The following ANK1 variants were observed in gnomAD, a reference collection of about 807,000 sequenced individuals.
ANK1 encodes ankyrin-1.
A neutral mutation model predicts 210.4 loss-of-function variants in ANK1; 51 were observed. That is an observed-to-expected ratio of 0.24 (90% CI 0.19 to 0.31). The LOEUF (loss-of-function observed/expected upper bound fraction) is 0.31. Ranked by LOEUF, ANK1 falls within the 10% of genes least tolerant of loss-of-function variation. ANK1 has a pLI of 1.00. For missense variants in ANK1, 2,051 were observed against 2,504.4 expected (o/e 0.82, Z 3.86); for synonymous variants, 967 against 1,025.9 (o/e 0.94, Z 1.10).
At chr8:41,804,113 A>G (rs77480063) in intron 1 of ANK1, among the ~76,000 whole-genome samples, 1,950 of 152,336 alleles carry the variant, frequency 0.013, 47 homozygotes, top group African/African-American at 0.045. Flanking sequence ...AGTGTCTCTC[A>G]GGAAGTTGCC....
chr8:41,685,975 T>A (rs1216021370), intron 36 of ANK1, among the ~76,000 whole-genome samples, 177 bp downstream of exon 36: 1 of 152,222 alleles, frequency 6.6e-6, no homozygotes, highest in East Asian at 1.9e-4. Flanking sequence ...TCTCTGGTCA[T>A]GCCTTCTGGC....
chr8:41,681,885 G>A (rs984347498), intron 37 of ANK1, among the ~76,000 whole-genome samples: 9 of 152,208 alleles, frequency 5.9e-5, no homozygotes, highest in African/African-American at 1.9e-4. Flanking sequence ...ATCGGTGCAT[G>A]AGTCTGCTGG....
intron 16 of ANK1, among the ~76,000 whole-genome samples, chr8:41,712,860 G>A (rs963005238): frequency 6.6e-6 from 1 of 152,232 alleles, no homozygotes; most frequent in African/African-American, 2.4e-5. Flanking sequence ...ATAAGTAGGG[G>A]AGTGAGGAGG....
At chr8:41,729,546 G>A (rs893914436) in intron 3 of ANK1, among the ~76,000 whole-genome samples, 3 of 152,122 alleles carry the variant, frequency 2.0e-5, no homozygotes, top group African/African-American at 4.8e-5. Context: ...GTGTGCCACC[G>A]TGCCCAGCCA....
chr8:41,686,127 G>C (rs376623554), intron 36 of ANK1, 25 bp downstream of exon 36: 125 of 1,614,186 alleles, frequency 7.7e-5, no homozygotes, highest in Middle Eastern at 1.6e-4. Flanking sequence ...CCTAGGACAG[G>C]CTTCCTCAGT....
chr8:41,858,203 G>A (rs1587459834), intron 1 of ANK1, among the ~76,000 whole-genome samples: 1 of 152,282 alleles, frequency 6.6e-6, no homozygotes, highest in East Asian at 1.9e-4. Flanking sequence ...CTGCACTCCA[G>A]CCTGGGTGAC....
At position 41,834,261 on chromosome 8, in the gene ANK1, C is replaced by G. The variant is rs573638753; in HGVS notation, c.126+62094G>C. Among the ~76,000 whole-genome samples the G allele has an allele frequency of 2.6e-5, 4 of 152,344 alleles. No homozygotes were observed. In the South Asian group the frequency reaches 6.2e-4, roughly 24 times the overall value. On this transcript the variant is annotated intron_variant, in intron 1 of 42. Transcript: ENST00000265709. ...TAGGCCATGGCCACGGGGCAGAAAG[C>G]AGGGGTAGGATTGAGAAAACCTGGA...
chr8:41,888,760 C>T (rs1818891505), intron 1 of ANK1, among the ~76,000 whole-genome samples: 1 of 152,226 alleles, frequency 6.6e-6, no homozygotes, highest in Non-Finnish European at 1.5e-5. Flanking sequence ...AGAAACAAAG[C>T]AGAAACCCCA....
At chr8:41,787,234 G>C (rs1281397517) in intron 1 of ANK1, among the ~76,000 whole-genome samples, 1 of 152,234 alleles carries the variant, frequency 6.6e-6, no homozygotes, top group Non-Finnish European at 1.5e-5. Context: ...GAGACGAGCA[G>C]TCATGCTTTG....
At chr8:41,656,702 G>A (rs1805827780) in intron 42 of ANK1, among the ~76,000 whole-genome samples, 1 of 152,232 alleles carries the variant, frequency 6.6e-6, no homozygotes, top group Non-Finnish European at 1.5e-5. Flanking sequence ...AAGTGACACA[G>A]GGAGGCAGGA....
At position 41,690,328 on chromosome 8, in the gene ANK1, C is replaced by G. The variant is rs1818926310; in HGVS notation, c.4003G>C (p.Glu1335Gln). 2 of 1,614,142 alleles carry G rather than the reference C, an allele frequency of 1.2e-6. No homozygotes were observed. The highest frequency in any genetic ancestry group is 1.7e-5 in the Admixed American group (1 of 60,004). Reference sequence around the variant, plus strand: ...AGAAACGACAGGGACCCTCCCGGCTCTCGACTGCTGTCCCTCACCTAAACT... The same window carrying G: ...AGAAACGACAGGGACCCTCCCGGCTGTCGACTGCTGTCCCTCACCTAAACT... ...MPVKVRDSSREPGGSLSFLRK... is the reference protein window; with the variant it reads ...MPVKVRDSSRQPGGSLSFLRK... The change falls in exon 33 of 43, where the codon GAG becomes CAG. Residue 1335 changes from glutamate (E) to glutamine (Q), a missense_variant. Coordinates refer to ENST00000289734, the MANE Select transcript of ANK1 (RefSeq NM_000037.4).
intron 1 of ANK1, among the ~76,000 whole-genome samples, chr8:41,879,576 C>T (rs1160400507): frequency 6.6e-6 from 1 of 152,202 alleles, no homozygotes; most frequent in African/African-American, 2.4e-5. Context: ...CTGCCACAGG[C>T]CTTTTACCCA....
chr8:41,812,353 G>T (rs1587141849), intron 1 of ANK1, among the ~76,000 whole-genome samples: 1 of 152,150 alleles, frequency 6.6e-6, no homozygotes, highest in Non-Finnish European at 1.5e-5. Context: ...TCAAAGAAGG[G>T]TCAGATGTTT....
chr8:41,833,594 G>C (rs1346505016), intron 1 of ANK1, among the ~76,000 whole-genome samples: 3 of 152,188 alleles, frequency 2.0e-5, no homozygotes, highest in Admixed American at 2.0e-4. Context: ...AGATGGGAAT[G>C]GTCACCGTAC....
Position 41,661,574 on chromosome 8 carries a change from G to A in ANK1, c.5545-10C>T, listed in dbSNP as rs1808213291. On this transcript the variant is annotated splice_polypyrimidine_tract_variant and intron_variant, in intron 41 of 42. Coordinates refer to ENST00000289734, the MANE Select transcript of ANK1 (RefSeq NM_000037.4). ...TCCCTCTCAGCTCCACCTGCAGACA[G>A]CAGCAGAGACAGAAAGCAGGACAGA... 2.5e-6 allele frequency: 4 copies of A among 1,613,612 alleles called. No individual in the cohort carries two copies. The highest frequency in any genetic ancestry group is 3.4e-6 in the Non-Finnish European group (4 of 1,180,052).
chr8:41,707,454 C>T (rs1245626774), intron 17 of ANK1, among the ~76,000 whole-genome samples: 1 of 152,202 alleles, frequency 6.6e-6, no homozygotes, highest in East Asian at 1.9e-4. Context: ...TGTGGGCAGT[C>T]ATGATGCCCC....
chr8:41,832,142 AAG>A (rs1295584330), intron 1 of ANK1, among the ~76,000 whole-genome samples: 1 of 152,188 alleles, frequency 6.6e-6, no homozygotes, highest in African/African-American at 2.4e-5. Flanking sequence ...ACTGAATGAA[AAG>A]AGAAGTGAAT....
chr8:41,801,314 CATT>C (rs1443416775), upstream of ANK1, among the ~76,000 whole-genome samples: 1 of 152,198 alleles, frequency 6.6e-6, no homozygotes, highest in Admixed American at 6.5e-5. Flanking sequence ...CCTATTAAAA[CATT>C]ATTGCTATGA....
intron 1 of ANK1, among the ~76,000 whole-genome samples, chr8:41,777,218 T>C (rs1175258941): frequency 6.6e-6 from 1 of 152,198 alleles, no homozygotes; most frequent in East Asian, 1.9e-4. Context: ...GGGTATTTCT[T>C]ATCTGCACAA....
Sources: allele counts gnomAD v4.1 joint callset (sites outside exome capture counted in the v4.1 genomes callset), GRCh38; gene constraint gnomAD v4.1.1; transcripts MANE v1.5; gene names NCBI Gene and HGNC (gene_info 2026-07-23, HGNC 2026-07-21).